The following PRR11 variants were observed in gnomAD, a reference collection of about 807,000 sequenced individuals.
PRR11 encodes the protein proline rich 11, also known as proline-rich protein 11.
PRR11 carries 30 observed loss-of-function variants against 45.6 expected under a neutral mutation model. The observed-to-expected ratio is 0.66, with a 90% CI of 0.49 to 0.89. The LOEUF is 0.89. PRR11 is among the 40% of genes least tolerant of loss of function. PRR11 has a pLI of 0.00. For missense variants in PRR11, 373 were observed against 424.8 expected, an observed-to-expected ratio of 0.88 and a Z score of 1.07; for synonymous variants, 128 against 153.5, an observed-to-expected ratio of 0.83 and a Z score of 1.23.
intron 2 of PRR11, among the ~76,000 whole-genome samples, chr17:59,182,308 G>T (rs2046791795): frequency 6.6e-6 from 1 of 150,816 alleles, no homozygotes; most frequent in South Asian, 2.1e-4. Flanking sequence ...GATTACAGGT[G>T]TGAGCCACTG....
chr17:59,184,008 G>C (rs1206504994), intron 2 of PRR11, among the ~76,000 whole-genome samples: 1 of 152,108 alleles, frequency 6.6e-6, no homozygotes, highest in Non-Finnish European at 1.5e-5. Context: ...AGACTCATGC[G>C]ACAGGAAGAT....
intron 9 of PRR11, among the ~76,000 whole-genome samples, chr17:59,198,542 C>T (rs190524127): frequency 2.4e-3 from 365 of 152,198 alleles, no homozygotes; most frequent in South Asian, 5.0e-3. Context: ...GGTGTGGTGG[C>T]GGATGCCTGT....
At chr17:59,172,718 C>T (rs1406391981) in intron 2 of PRR11, among the ~76,000 whole-genome samples, 3 of 152,234 alleles carry the variant, frequency 2.0e-5, no homozygotes, top group African/African-American at 4.8e-5. Flanking sequence ...GGCCCACTGG[C>T]GCTGTGCTCG....
chr17:59,178,451 G>T, intron 2 of PRR11: 1 of 506,770 alleles, frequency 2.0e-6, no homozygotes, highest in Non-Finnish European at 3.9e-6. Flanking sequence ...CAGGAACACG[G>T]TTCCGTGGAG....
chr17:59,174,100 G>A (rs570684101), intron 2 of PRR11, among the ~76,000 whole-genome samples: 26 of 152,242 alleles, frequency 1.7e-4, no homozygotes, highest in African/African-American at 6.3e-4. Flanking sequence ...TCACAGTTTG[G>A]TAACCCTGAC....
chr17:59,179,030 C>T (rs1261479495), intron 2 of PRR11, among the ~76,000 whole-genome samples: 3 of 152,130 alleles, frequency 2.0e-5, no homozygotes, highest in African/African-American at 7.2e-5. Flanking sequence ...GATGGAGTCT[C>T]GCTCTGTGGG....
intron 9 of PRR11, among the ~76,000 whole-genome samples, chr17:59,199,806 C>T (rs2046883961): frequency 6.6e-6 from 1 of 152,176 alleles, no homozygotes. Context: ...TCTTACCAAT[C>T]AACTTGGTCC....
intron 2 of PRR11, chr17:59,179,959 C>T: frequency 3.3e-6 from 4 of 1,218,398 alleles, no homozygotes; most frequent in East Asian, 2.6e-5. Flanking sequence ...CCAAACCACT[C>T]TCCATCCTCC....
At position 59,206,032 on chromosome 17, in the gene PRR11, CAG is replaced by C. The variant is rs937109118; in HGVS notation, c.*4404_*4405del. On this transcript the variant is annotated 3_prime_UTR_variant, in exon 10 of 10. Coordinates refer to ENST00000262293, the MANE Select transcript of PRR11 (RefSeq NM_018304.4). The stretch of plus-strand genomic sequence containing the variant: ...CACTACTGCACTACAGTCTGGGCAA[CAG>C]AGTGAGACCTTGTCTCAAAAAAAAA... Among the ~76,000 whole-genome samples the C allele has an allele frequency of 1.3e-5, 2 of 150,496 alleles. No homozygotes were observed. The highest frequency in any genetic ancestry group is 3.0e-5 in the Non-Finnish European group (2 of 67,784).
intron 1 of PRR11, among the ~76,000 whole-genome samples, chr17:59,160,509 TC>T (rs1259582024): frequency 6.6e-6 from 1 of 152,124 alleles, no homozygotes; most frequent in Non-Finnish European, 1.5e-5. Context: ...CCTCAAGTGA[TC>T]CATCCACCCA....
chr17:59,189,316 C>CA (rs888816652), intron 4 of PRR11, among the ~76,000 whole-genome samples: 62 of 137,596 alleles, frequency 4.5e-4, no homozygotes, highest in South Asian at 2.1e-3. Context: ...TTATTTGAGA[C>CA]AAAAAAAAAA....
intron 2 of PRR11, chr17:59,179,958 T>C: frequency 8.2e-7 from 1 of 1,218,930 alleles, no homozygotes; most frequent in Non-Finnish European, 1.2e-6. Context: ...GCCAAACCAC[T>C]CTCCATCCTC....
intron 1 of PRR11, among the ~76,000 whole-genome samples, chr17:59,166,908 A>G (rs1164450586): frequency 6.6e-6 from 1 of 152,190 alleles, no homozygotes; most frequent in Non-Finnish European, 1.5e-5. Context: ...TTATGCCTGT[A>G]ATCCCAGCAC....
At position 59,204,712 on chromosome 17, in the gene PRR11, A is replaced by G. The variant is rs919364966; in HGVS notation, c.*3081A>G. 2.0e-5 allele frequency: 3 copies of G among 152,916 alleles called. No individual in the cohort carries two copies. Among genetic ancestry groups the G allele is most frequent in the African/African-American group, 7.3e-5 (3 of 41,364 alleles). 9.5% of individuals were successfully genotyped at this position (152,916 alleles called of 1,614,324 possible). ...CAGAGTGAGACCCTGTGTCAAAAAA[A>G]AAAAAAAGAAAGAAAGAAAGAAAAA... On this transcript the variant is annotated 3_prime_UTR_variant, in exon 10 of 10. Coordinates refer to ENST00000262293, the MANE Select transcript of PRR11 (RefSeq NM_018304.4).
intron 1 of PRR11, among the ~76,000 whole-genome samples, chr17:59,166,758 T>A (rs2046681855): frequency 6.6e-6 from 1 of 152,204 alleles, no homozygotes; most frequent in Admixed American, 6.5e-5. Flanking sequence ...TCCCGACATT[T>A]GTATAAAAAA....
At chr17:59,186,073 T>G (rs1330934930) in intron 4 of PRR11, among the ~76,000 whole-genome samples, 1 of 152,172 alleles carries the variant, frequency 6.6e-6, no homozygotes, top group African/African-American at 2.4e-5. Context: ...CCACATCACT[T>G]CCAAAATAAA....
At chr17:59,173,563 C>T (rs948167484) in intron 2 of PRR11, among the ~76,000 whole-genome samples, 1 of 152,204 alleles carries the variant, frequency 6.6e-6, no homozygotes, top group Admixed American at 6.5e-5. Flanking sequence ...CCGCGAAGGT[C>T]TGCAGCTTCA....
At chr17:59,196,466 T>C (rs558492144) in intron 7 of PRR11, among the ~76,000 whole-genome samples, 1 of 152,080 alleles carries the variant, frequency 6.6e-6, no homozygotes, top group Admixed American at 6.6e-5. Context: ...AACCTCCACC[T>C]CCCGGGTTCC....
chr17:59,193,738 GGTAACAA>G lies in PRR11; in HGVS notation c.645+5_645+11del, dbSNP rs2046851009. The G allele has an allele frequency of 6.2e-7, 1 of 1,613,022 alleles. No homozygotes were observed. The highest frequency in any genetic ancestry group is 8.5e-7 in the Non-Finnish European group (1 of 1,179,144). ...CAGTCTCGCTAAAGCACTTCAGGTAGGTAACAATCTAGTAATGATATGTTTTGATATG... is the reference window on the plus strand; with the variant it reads ...CAGTCTCGCTAAAGCACTTCAGGTAGTCTAGTAATGATATGTTTTGATATG... On this transcript the variant is annotated splice_donor_5th_base_variant and intron_variant, in intron 5 of 9. Transcript: ENST00000262293.
Sources: gnomAD v4.1 joint callset for allele counts (sites outside exome capture counted in the v4.1 genomes callset) on GRCh38, gnomAD v4.1.1 for gene constraint, MANE v1.5 for transcripts, NCBI Gene and HGNC (gene_info 2026-07-23, HGNC 2026-07-21) for gene names.